IKBKG: variants seen among roughly 807,000 people sequenced by gnomAD.
IKBKG encodes the protein inhibitor of nuclear factor kappa B kinase regulatory subunit gamma.
Under a neutral mutation model 13.7 loss-of-function variants are expected in IKBKG, and 2 were observed. The observed-to-expected ratio is 0.15, with a 90% CI of 0.06 to 0.46. IKBKG has a LOEUF of 0.46. IKBKG is among the 20% of genes least tolerant of loss of function. IKBKG has a pLI of 0.98. For synonymous variants in IKBKG, 22 were observed against 64.4 expected, an observed-to-expected ratio of 0.34 and a Z score of 3.15; for missense variants, 53 against 150.3, an observed-to-expected ratio of 0.35 and a Z score of 3.39.
At chrX:154,546,735 G>T, upstream of IKBKG, 1 of 987,185 alleles carries the variant, frequency 1.0e-6, no homozygotes. Flanking sequence ...GCCGCGCGGC[G>T]CAGCGCGGGA....
In IKBKG at chrX:154,552,176, T is replaced by A; in HGVS notation, c.174T>A (p.Asn58Lys). ...PETLQRCLEE[N>K]QELRDAIRQS... ...CCCTCCAGCGCTGCCTGGAGGAGAA[T>A]CAAGAGCTCCGAGGTGAGGAAAGAG... Residue 58 changes from asparagine (N) to lysine (K), a missense_variant, in exon 2 of 10, where the codon AAT (asparagine) becomes AAA (lysine). Asn to Lys is a moderately conservative substitution (Grantham distance 94). Coordinates refer to ENST00000594239, the MANE Select transcript of IKBKG (RefSeq NM_001099857.5). 8.4e-7 allele frequency: 1 copy of A among 1,189,740 alleles called. No homozygotes were observed. Among genetic ancestry groups the A allele is most frequent in the Non-Finnish European group, 1.1e-6 (1 of 881,252 alleles).
At chrX:154,551,663 T>C (rs949893763) in intron 1 of IKBKG, among the ~76,000 whole-genome samples, 2 of 111,411 alleles carry the variant, frequency 1.8e-5, no homozygotes, top group African/African-American at 6.5e-5. Context: ...CTTCTCCTGC[T>C]TGGAGGTGTG....
upstream of IKBKG, among the ~76,000 whole-genome samples, chrX:154,545,541 G>T (rs900242882): frequency 1.3e-4 from 15 of 111,809 alleles, no homozygotes; most frequent in African/African-American, 4.6e-4. Flanking sequence ...ACAGGGTTCA[G>T]AAACGTCCTG....
chrX:154,549,167 G>C lies in IKBKG; in HGVS notation c.-16+1422G>C, dbSNP rs782786056. On this transcript the variant is annotated intron_variant, in intron 1 of 9. Coordinates refer to ENST00000594239, the MANE Select transcript of IKBKG (RefSeq NM_001099857.5). ...CCAGCTAATTTTTGTATTTTTAGTA[G>C]AGATGGGGTTTCATCATGTTGGCCA... Among the ~76,000 whole-genome samples the C allele has an allele frequency of 2.7e-5, 3 of 109,259 alleles. No individual in the cohort carries two copies. In the East Asian group the frequency reaches 8.6e-4, roughly 31 times the overall value. 94.9% of individuals were successfully genotyped at this position (109,259 alleles called of 115,157 possible). A position where few individuals can be genotyped will look rare whatever the true frequency, so the allele number is the denominator to read the frequency against.
chrX:154,548,953 C>T (rs1438063295), intron 1 of IKBKG, among the ~76,000 whole-genome samples: 1 of 109,045 alleles, frequency 9.2e-6, no homozygotes, highest in Non-Finnish European at 1.9e-5. Flanking sequence ...CCCTCGCAAT[C>T]CTCTCCCATT....
upstream of IKBKG, chrX:154,546,742 G>T (rs782318674): frequency 2.0e-6 from 2 of 1,018,837 alleles, no homozygotes; most frequent in Non-Finnish European, 1.3e-6. Context: ...GGCGCAGCGC[G>T]GGACAGTACG....
At chrX:154,545,733 G>C (rs1172356687), upstream of IKBKG, 1 of 275,135 alleles carries the variant, frequency 3.6e-6, no homozygotes, top group African/African-American at 2.8e-5. Context: ...TACTTGGGGG[G>C]CTGAGGCAGG....
upstream of IKBKG, among the ~76,000 whole-genome samples, chrX:154,542,699 G>T (rs1421861646): frequency 1.8e-5 from 2 of 112,075 alleles, no homozygotes; most frequent in Non-Finnish European, 3.8e-5. Flanking sequence ...TCAGTTTCTA[G>T]GTCATGCTGA....
intron 7 of IKBKG, among the ~76,000 whole-genome samples, chrX:154,563,248 C>T (rs1477444308): frequency 2.6e-4 from 7 of 26,704 alleles, no homozygotes; most frequent in African/African-American, 1.3e-3. Context: ...CAGCTGGTCT[C>T]GAACTTCTGG....
upstream of IKBKG, chrX:154,547,359 G>A: frequency 1.3e-6 from 1 of 755,141 alleles, no homozygotes; most frequent in Non-Finnish European, 1.6e-6. Flanking sequence ...TTCCTCCCCC[G>A]GAGAGGGCGG....
chrX:154,555,172 T>C (rs1569556559), intron 2 of IKBKG, among the ~76,000 whole-genome samples: 1 of 111,978 alleles, frequency 8.9e-6, no homozygotes, highest in Non-Finnish European at 1.9e-5. Flanking sequence ...GATGAGGACT[T>C]TGAGGCTCAG....
chrX:154,552,285 C>A, intron 2 of IKBKG, 96 bp downstream of exon 2: 1 of 697,799 alleles, frequency 1.4e-6, no homozygotes, highest in Non-Finnish European at 2.1e-6. Context: ...TGGGGATGTG[C>A]TGCCCTCCCT....
chrX:154,547,225 G>T, upstream of IKBKG: 1 of 554,054 alleles, frequency 1.8e-6, no homozygotes, highest in Non-Finnish European at 2.2e-6. Flanking sequence ...TCCGCCGGCA[G>T]CGTGGCCACG....
chrX:154,545,560 C>T (rs1441384174), upstream of IKBKG, among the ~76,000 whole-genome samples: 2 of 111,796 alleles, frequency 1.8e-5, no homozygotes, highest in African/African-American at 3.3e-5. Flanking sequence ...TGCAGCCGGG[C>T]GTGGTGGCTC....
At chrX:154,550,276 G>A (rs782151311) in intron 1 of IKBKG, among the ~76,000 whole-genome samples, 228 of 105,172 alleles carry the variant, frequency 2.2e-3, no homozygotes, top group African/African-American at 7.7e-3. Flanking sequence ...GTGTGTGTGT[G>A]TGAGAGAGAG....
intron 1 of IKBKG, among the ~76,000 whole-genome samples, chrX:154,548,871 A>G (rs1287344101): frequency 1.8e-5 from 2 of 109,979 alleles, no homozygotes; most frequent in African/African-American, 6.6e-5. Context: ...CGGCCAGTAT[A>G]GTAAATCTTA....
At chrX:154,544,061 C>T (rs981164590), upstream of IKBKG, among the ~76,000 whole-genome samples, 2 of 110,165 alleles carry the variant, frequency 1.8e-5, no homozygotes, top group African/African-American at 3.3e-5. Context: ...CGGGATTTCA[C>T]CATGTTAGCC....
At chrX:154,542,287 G>C in exon 2 of IKBKG, 1 of 1,163,114 alleles carries the variant, frequency 8.6e-7, no homozygotes, top group Non-Finnish European at 1.2e-6. Flanking sequence ...TCCAGGTGGG[G>C]AAACTAAGGC....
At chrX:154,546,812 C>A (rs782758722), upstream of IKBKG, 58 of 1,162,041 alleles carry the variant, frequency 5.0e-5, 1 homozygote, top group South Asian at 9.5e-4. Flanking sequence ...TCGTCGCCCT[C>A]CGCGCTCGCA....
Sources: gnomAD v4.1 joint callset for allele counts (sites outside exome capture counted in the v4.1 genomes callset) on GRCh38, gnomAD v4.1.1 for gene constraint, MANE v1.5 for transcripts, NCBI Gene and HGNC (gene_info 2026-07-23, HGNC 2026-07-21) for gene names.